The following PTPRM variants were observed in gnomAD, a reference collection of about 807,000 sequenced individuals.
PTPRM encodes protein tyrosine phosphatase receptor type M.
A neutral mutation model predicts 186.7 loss-of-function variants in PTPRM; 47 were observed. The observed-to-expected ratio is 0.25, with a 90% CI of 0.20 to 0.32. The LOEUF (loss-of-function observed/expected upper bound fraction) is 0.32. Among genes scored for constraint, PTPRM ranks in the 10% least tolerant of loss-of-function variants. The pLI, the probability that PTPRM is intolerant of heterozygous loss-of-function variation, is 1.00. For missense variants in PTPRM, 1,494 were observed against 1,865.0 expected (o/e 0.80, Z 3.66); for synonymous variants, 668 against 674.9 (o/e 0.99, Z 0.16).
chr18:7,851,210 C>A (rs975048467), intron 2 of PTPRM, among the ~76,000 whole-genome samples: 2 of 152,114 alleles, frequency 1.3e-5, no homozygotes, highest in African/African-American at 4.8e-5. Flanking sequence ...AAAGAATGTA[C>A]AAGCTGTATG....
chr18:7,572,676 G>T (rs867422961), intron 1 of PTPRM, among the ~76,000 whole-genome samples: 26 of 152,084 alleles, frequency 1.7e-4, no homozygotes, highest in African/African-American at 6.3e-4. Flanking sequence ...TTTCTTAGGG[G>T]TTATGTCCAC....
intron 14 of PTPRM, among the ~76,000 whole-genome samples, chr18:8,205,543 T>C (rs2093916395): frequency 6.6e-6 from 1 of 152,222 alleles, no homozygotes; most frequent in Non-Finnish European, 1.5e-5. Context: ...AGTACAGCAA[T>C]GTGCTGTATT....
At chr18:7,764,188 T>C (rs1185396547) in intron 1 of PTPRM, among the ~76,000 whole-genome samples, 1 of 152,174 alleles carries the variant, frequency 6.6e-6, no homozygotes, top group Admixed American at 6.5e-5. Flanking sequence ...AGAGCAATAA[T>C]CTCTGAATCA....
chr18:7,909,036 C>T (rs1236633727), intron 4 of PTPRM, among the ~76,000 whole-genome samples: 1 of 152,210 alleles, frequency 6.6e-6, no homozygotes, highest in Non-Finnish European at 1.5e-5. Flanking sequence ...GGCAGATGTA[C>T]TGGGTGCAGG....
intron 1 of PTPRM, among the ~76,000 whole-genome samples, chr18:7,758,310 CT>C (rs1230991211): frequency 2.0e-5 from 3 of 152,152 alleles, no homozygotes; most frequent in African/African-American, 7.2e-5. Flanking sequence ...AAGACAAAAG[CT>C]TGTAATCCAG....
At chr18:8,338,237 A>G (rs2095451604) in intron 22 of PTPRM, among the ~76,000 whole-genome samples, 1 of 151,972 alleles carries the variant, frequency 6.6e-6, no homozygotes, top group African/African-American at 2.4e-5. Flanking sequence ...AAAGGAGGGA[A>G]GTGACCTGAG....
intron 2 of PTPRM, among the ~76,000 whole-genome samples, chr18:7,798,155 G>T (rs1344443836): frequency 6.6e-6 from 1 of 152,082 alleles, no homozygotes; most frequent in African/African-American, 2.4e-5. Context: ...TACCCACGAG[G>T]GTTGGTAGTT....
intron 2 of PTPRM, among the ~76,000 whole-genome samples, chr18:7,802,884 G>A (rs1469073977): frequency 6.6e-6 from 1 of 152,150 alleles, no homozygotes. Flanking sequence ...ACTCAGGGAA[G>A]TTACAGTTTA....
chr18:8,173,894 C>A (rs534213097), intron 14 of PTPRM, among the ~76,000 whole-genome samples: 5 of 152,238 alleles, frequency 3.3e-5, no homozygotes, highest in Non-Finnish European at 5.9e-5. Context: ...CATGGCAAAA[C>A]CCCATCTCTA....
intron 7 of PTPRM, among the ~76,000 whole-genome samples, chr18:8,066,115 C>T (rs1182142834): frequency 6.6e-6 from 1 of 151,968 alleles, no homozygotes; most frequent in East Asian, 1.9e-4. Context: ...ATTTCTGGAT[C>T]AGAATTTAAT....
chr18:7,615,035 G>A (rs372381740), intron 1 of PTPRM, among the ~76,000 whole-genome samples: 9 of 152,116 alleles, frequency 5.9e-5, no homozygotes, highest in East Asian at 1.9e-4. Flanking sequence ...TTACCGAGTG[G>A]CTTTTTTCTG....
chr18:7,575,764 C>T (rs767153061), intron 1 of PTPRM, among the ~76,000 whole-genome samples: 3 of 152,128 alleles, frequency 2.0e-5, no homozygotes, highest in Non-Finnish European at 2.9e-5. Flanking sequence ...ACTTTTCTTA[C>T]GTCTGCAAGG....
intron 7 of PTPRM, among the ~76,000 whole-genome samples, chr18:8,016,109 A>G (rs12959661): frequency 0.62 from 94,957 of 152,002 alleles, 29,866 homozygotes; most frequent in African/African-American, 0.67. Flanking sequence ...GAAAGGGTGG[A>G]TGGATACACA....
rs1205648622 is a variant in PTPRM, at chr18:8,113,499, G to A, written c.1870G>A (p.Val624Ile). 1.2e-5 allele frequency: 20 copies of A among 1,613,190 alleles called. No individual in the cohort carries two copies. The highest frequency in any genetic ancestry group is 1.7e-5 in the Non-Finnish European group (20 of 1,179,264). The change falls in exon 12 of 33, where the codon GTT becomes ATT. Residue 624 changes from valine (V) to isoleucine (I), a missense_variant. Physicochemically the swap from Val to Ile is conservative, Grantham distance 29. Coordinates refer to ENST00000580170, the MANE Select transcript of PTPRM (RefSeq NM_001105244.2). ...RGAPVSVYQI[V>I]VEEERPRRTK... Reference sequence around the variant, plus strand: ...TTGTTTTTCTAGTGTCTATCAAATAGTTGTTGAGGAAGAACGTCCTCGAAG... The same window carrying A: ...TTGTTTTTCTAGTGTCTATCAAATAATTGTTGAGGAAGAACGTCCTCGAAG...
chr18:7,912,594 C>T (rs1430404113), intron 4 of PTPRM, among the ~76,000 whole-genome samples: 4 of 152,110 alleles, frequency 2.6e-5, no homozygotes, highest in Admixed American at 1.3e-4. Flanking sequence ...TCACTGCAAG[C>T]TCCGCCTACC....
In PTPRM at chr18:7,915,807, T is replaced by C. The variant is rs142588682; in HGVS notation, c.547+9224T>C. ...ATCTTAAAATAGTATCAGCCTAAGCTGCTTGCCACCTGAAAATGGTTGTAG... is the reference window on the plus strand; with the variant it reads ...ATCTTAAAATAGTATCAGCCTAAGCCGCTTGCCACCTGAAAATGGTTGTAG... On this transcript the variant is annotated intron_variant, in intron 4 of 32. Coordinates refer to ENST00000580170, the MANE Select transcript of PTPRM (RefSeq NM_001105244.2). Among the ~76,000 whole-genome samples, 427 of 152,330 alleles carry C rather than the reference T, an allele frequency of 2.8e-3. 2 individuals carry two copies. The highest frequency in any genetic ancestry group is 9.6e-3 in the African/African-American group (399 of 41,574).
intron 1 of PTPRM, among the ~76,000 whole-genome samples, chr18:7,580,228 T>G (rs2036808386): frequency 6.6e-6 from 1 of 152,170 alleles, no homozygotes; most frequent in Admixed American, 6.5e-5. Context: ...GAATGAGACT[T>G]GGATCATTGG....
intron 4 of PTPRM, among the ~76,000 whole-genome samples, chr18:7,917,390 G>A (rs2146684909): frequency 6.6e-6 from 1 of 152,210 alleles, no homozygotes; most frequent in East Asian, 1.9e-4. Flanking sequence ...AAAACAATTA[G>A]CCAGGCGTGG....
chr18:8,279,096 A>G (rs991783763), intron 19 of PTPRM, among the ~76,000 whole-genome samples: 5 of 151,956 alleles, frequency 3.3e-5, no homozygotes, highest in African/African-American at 1.2e-4. Flanking sequence ...ATATATATAT[A>G]AACAAAACAA....
Sources: gnomAD v4.1 joint callset for allele counts (sites outside exome capture counted in the v4.1 genomes callset) on GRCh38, gnomAD v4.1.1 for gene constraint, MANE v1.5 for transcripts, NCBI Gene and HGNC (gene_info 2026-07-23, HGNC 2026-07-21) for gene names.